Variants in SYNE1 observed in about 807,000 individuals in gnomAD.
The protein encoded by SYNE1 is spectrin repeat containing nuclear envelope protein 1.
SYNE1 carries 616 observed loss-of-function variants against 1,111.0 expected under a neutral mutation model. The observed-to-expected ratio is 0.55, with a 90% CI of 0.52 to 0.59. The LOEUF (loss-of-function observed/expected upper bound fraction) is 0.59. Ranked by LOEUF, SYNE1 falls within the 20% of genes least tolerant of loss-of-function variation. The pLI is 0.00. For missense variants in SYNE1, 10,006 were observed against 10,417.0 expected, an observed-to-expected ratio of 0.96 and a Z score of 1.72; for synonymous variants, 3,855 against 3,825.8, an observed-to-expected ratio of 1.01 and a Z score of -0.28.
Position 152,490,528 on chromosome 6 carries a change from G to A in SYNE1, c.940-2025C>T, listed in dbSNP as rs143878480. Among the ~76,000 whole-genome samples the A allele has an allele frequency of 5.3e-4, 80 of 152,142 alleles. No individual in the cohort carries two copies. In the East Asian group the frequency reaches 0.012, roughly 22 times the overall value. On this transcript the variant is annotated intron_variant, in intron 11 of 145. Coordinates refer to ENST00000367255, the MANE Select transcript of SYNE1 (RefSeq NM_182961.4). ...ATTCTTTCTCTGGACAATGAATCTCGGAAGCTCCCCATTCAGCACCTTGTA... is the reference window on the plus strand; with the variant it reads ...ATTCTTTCTCTGGACAATGAATCTCAGAAGCTCCCCATTCAGCACCTTGTA...
intron 4 of SYNE1, among the ~76,000 whole-genome samples, chr6:152,532,776 T>A (rs2099210731): frequency 6.6e-6 from 1 of 152,174 alleles, no homozygotes; most frequent in Non-Finnish European, 1.5e-5. Flanking sequence ...CAGGTAGGAA[T>A]TATTTCACAA....
intron 47 of SYNE1, among the ~76,000 whole-genome samples, chr6:152,400,886 A>G (rs1040020538): frequency 2.0e-5 from 3 of 152,184 alleles, no homozygotes; most frequent in Non-Finnish European, 2.9e-5. Flanking sequence ...ACTTTGAACA[A>G]GCATAGACTC....
At chr6:152,490,635 A>T (rs907447263) in intron 11 of SYNE1, among the ~76,000 whole-genome samples, 1 of 151,548 alleles carries the variant, frequency 6.6e-6, no homozygotes, top group Non-Finnish European at 1.5e-5. Context: ...AAACTGCCCC[A>T]CCCCTATCTA....
chr6:152,330,036 C>A lies in SYNE1; in HGVS notation c.14649G>T (p.Met4883Ile). 6.2e-7 allele frequency: 1 copy of A among 1,614,190 alleles called. No individual in the cohort carries two copies. Among genetic ancestry groups the A allele is most frequent in the African/African-American group, 1.3e-5 (1 of 75,050 alleles). ...CAGTCTGGAAGTCTATACTCTGCAC[C>A]ATTCGGCTCTCACATTCTGTCACCG... ...GETVTECESR[M>I]VQSIDFQTEM... The change falls in exon 78 of 146, where the codon ATG becomes ATT. Residue 4883 changes from methionine (M) to isoleucine (I), a missense_variant. Physicochemically the swap from Met to Ile is conservative, Grantham distance 10. This residue lies in a region of SYNE1 where 4,955 missense variants were observed against 5,017.2 expected (regional missense o/e 0.99). Transcript: ENST00000367255.
In SYNE1 at chr6:152,619,046, T is replaced by TCACA. The variant is rs56677340; in HGVS notation, c.67+9215_67+9218dup. Among the ~76,000 whole-genome samples the TCACA allele has an allele frequency of 2.6e-3, 350 of 135,778 alleles. 3 individuals carry two copies. Among genetic ancestry groups the TCACA allele is most frequent in the African/African-American group, 6.5e-3 (251 of 38,560 alleles). The allele number at this position is 135,778 out of a possible 152,430, so 89.1% of individuals were successfully genotyped here. Reference sequence around the variant, plus strand: ...GAAACTAGGTATTTAGGTGTGAGAATCACACACACACACACACACACACAC... The same window carrying TCACA: ...GAAACTAGGTATTTAGGTGTGAGAATCACACACACACACACACACACACACACAC... On this transcript the variant is annotated intron_variant, in intron 3 of 145. Transcript: ENST00000367255.
chr6:152,139,838 A>G, intron 140 of SYNE1, 112 bp downstream of exon 140: 1 of 1,116,536 alleles, frequency 9.0e-7, no homozygotes, highest in Non-Finnish European at 1.3e-6. Context: ...TTTTTGTTAG[A>G]TCCCTTTTCT....
rs2153899235 is a variant in SYNE1 at position 152,318,152 on chromosome 6, T to C, written c.16501A>G (p.Ile5501Val). The C allele has an allele frequency of 2.5e-6, 4 of 1,614,218 alleles. No individual in the cohort carries two copies. The highest frequency in any genetic ancestry group is 3.4e-6 in the Non-Finnish European group (4 of 1,180,040). ...TGGTGAAGTTCAGTCAGTTTTCCTA[T>C]CTTCTTGGCCAGTGGCTTACCCAGT... is the stretch of plus-strand genomic sequence containing the variant. Reference protein sequence around the residue: ...GQLGKPLAKKIGKLTELHQQT... With the variant: ...GQLGKPLAKKVGKLTELHQQT... Residue 5501 changes from isoleucine to valine, a missense_variant, in exon 86 of 146, where the codon ATA becomes GTA. Ile to Val is a conservative substitution (Grantham distance 29). Coordinates refer to ENST00000367255, the MANE Select transcript of SYNE1 (RefSeq NM_182961.4).
intron 3 of SYNE1, among the ~76,000 whole-genome samples, chr6:152,618,618 G>T (rs1402091631): frequency 3.3e-5 from 5 of 152,148 alleles, no homozygotes; most frequent in African/African-American, 4.8e-5. Context: ...ATTAATATCA[G>T]CAGAGGAAGG....
At chr6:152,623,935 A>C (rs1015396141) in intron 3 of SYNE1, among the ~76,000 whole-genome samples, 3 of 80,450 alleles carry the variant, frequency 3.7e-5, no homozygotes, top group Non-Finnish European at 8.9e-5. Context: ...GTTAGTCTGA[A>C]GTTTTCTTTT....
At chr6:152,444,807 A>G (rs1432072280) in intron 29 of SYNE1, among the ~76,000 whole-genome samples, 1 of 152,098 alleles carries the variant, frequency 6.6e-6, no homozygotes, top group African/African-American at 2.4e-5. Context: ...GCAAGTTTCA[A>G]GTATACAATA....
At chr6:152,485,712 A>G (rs914626298) in intron 12 of SYNE1, among the ~76,000 whole-genome samples, 6 of 152,228 alleles carry the variant, frequency 3.9e-5, no homozygotes, top group Non-Finnish European at 8.8e-5. Flanking sequence ...AAATGAAAAG[A>G]TAATTAAAAT....
rs532594385 is a variant in SYNE1, at chr6:152,495,870, C to T, written c.939+2872G>A. On this transcript the variant is annotated intron_variant, in intron 11 of 145. Transcript: ENST00000367255. The stretch of plus-strand genomic sequence containing the variant: ...CACCATTGCTCCATCTGTAAGGGTG[C>T]AACCTTCTATAGAAGTAACTTGCCT... Among the ~76,000 whole-genome samples, 91 of 152,334 alleles carry T rather than the reference C, an allele frequency of 6.0e-4. 1 individual carries two copies. The South Asian group carries it at 0.018, about 31-fold the overall frequency.
At chr6:152,130,888 A>G in intron 144 of SYNE1, 110 bp from the exon 145 acceptor site, 2 of 1,123,352 alleles carry the variant, frequency 1.8e-6, no homozygotes, top group South Asian at 2.7e-5. Context: ...AAAATAAATC[A>G]AATGAAATGA....
intron 2 of SYNE1, among the ~76,000 whole-genome samples, chr6:152,635,502 A>G (rs554403368): frequency 1.3e-5 from 2 of 152,306 alleles, no homozygotes; most frequent in East Asian, 3.9e-4. Flanking sequence ...TTTTTTCACC[A>G]TGGGGAATAA....
At chr6:152,472,557 T>C (rs2098812727) in intron 14 of SYNE1, 144 bp from the exon 15 acceptor site, 1 of 761,230 alleles carries the variant, frequency 1.3e-6, no homozygotes, top group African/African-American at 1.7e-5. Flanking sequence ...TTGGTGCCTG[T>C]CAAAGGCTCT....
Position 152,444,533 on chromosome 6 carries a change from C to T in SYNE1, c.3715G>A (p.Glu1239Lys). The T allele has an allele frequency of 6.2e-7, 1 of 1,613,296 alleles. No homozygotes were observed. The highest frequency in any genetic ancestry group is 1.1e-5 in the South Asian group (1 of 91,050). ...SNFGDCVQYK[E>K]IVKNSLEELI... ...TCTTCGAGAGAATTTTTGACTATTT[C>T]TTTGTACTGGACACAGTCCCCAAAA... is the stretch of plus-strand genomic sequence containing the variant. The change falls in exon 30 of 146, where the codon GAA (glutamate) becomes AAA (lysine). Residue 1239 changes from glutamate to lysine, a missense_variant. This residue lies in a region of SYNE1 where 1,971 missense variants were observed against 2,084.1 expected (regional missense o/e 0.95). Coordinates refer to ENST00000367255, the MANE Select transcript of SYNE1 (RefSeq NM_182961.4).
At chr6:152,141,064 C>T in intron 139 of SYNE1, 139 bp downstream of exon 139, 1 of 1,241,588 alleles carries the variant, frequency 8.1e-7, no homozygotes, top group African/African-American at 1.5e-5. Context: ...AAAAAGGAGA[C>T]TGTTATAACT....
intron 87 of SYNE1, chr6:152,311,074 A>G (rs2095531808): frequency 4.8e-6 from 3 of 629,018 alleles, no homozygotes; most frequent in Non-Finnish European, 8.5e-6. Context: ...CAGTTTAGGA[A>G]CTGTAAACAA....
In SYNE1 at chr6:152,433,617, T is replaced by C. The variant is rs2098448775; in HGVS notation, c.4461+178A>G. On this transcript the variant is annotated intron_variant, in intron 34 of 145. Transcript: ENST00000367255. Reference sequence around the variant, plus strand: ...CAATGTGAATACATAATTCCAACTATAAATGTTGCCCAGTATTAATCCAGA... The same window carrying C: ...CAATGTGAATACATAATTCCAACTACAAATGTTGCCCAGTATTAATCCAGA... 2.3e-5 allele frequency: 15 copies of C among 652,408 alleles called. No homozygotes were observed. The South Asian group carries it at 2.6e-4, about 12-fold the overall frequency. 40.4% of individuals were successfully genotyped at this position (652,408 alleles called of 1,614,324 possible). A position where few individuals can be genotyped will look rare whatever the true frequency, so the allele number is the denominator to read the frequency against.
Sources: gnomAD v4.1 joint callset for allele counts (sites outside exome capture counted in the v4.1 genomes callset) on GRCh38, gnomAD v4.1.1 for gene constraint, gnomAD v4.1.1 regional missense constraint, MANE v1.5 for transcripts, NCBI Gene and HGNC (gene_info 2026-07-23, HGNC 2026-07-21) for gene names.